EBF3: variants seen among roughly 807,000 people sequenced by gnomAD.
The protein encoded by EBF3 is transcription factor COE3.
EBF3 carries 18 observed loss-of-function variants against 77.1 expected under a neutral mutation model. The observed-to-expected ratio is 0.23, with a 90% CI of 0.16 to 0.35. The LOEUF (loss-of-function observed/expected upper bound fraction) is 0.35, where lower values mean the gene tolerates loss of function less well. EBF3 is among the 10% of genes least tolerant of loss of function. The pLI, the probability that EBF3 is intolerant of heterozygous loss-of-function variation, is 1.00. For synonymous variants in EBF3, 350 were observed against 343.5 expected (o/e 1.02, Z -0.21); for missense variants, 558 against 860.0 (o/e 0.65, Z 4.39).
intron 6 of EBF3, among the ~76,000 whole-genome samples, chr10:129,888,878 A>G (rs755197032): frequency 1.5e-4 from 23 of 152,240 alleles, no homozygotes; most frequent in Non-Finnish European, 2.8e-4. Flanking sequence ...TTCTGCAATT[A>G]CAAAAAAAAA....
chr10:129,836,036 T>C lies in EBF3; in HGVS notation c.*1907A>G, dbSNP rs1023093957. Reference sequence around the variant, plus strand: ...TGGGTCCCCCTGAAACCTCTGTGAATCGGAGGTGGGCCCAGGAGGGTGCAG... The same window carrying C: ...TGGGTCCCCCTGAAACCTCTGTGAACCGGAGGTGGGCCCAGGAGGGTGCAG... On this transcript the variant is annotated 3_prime_UTR_variant, in exon 17 of 17. Transcript: ENST00000440978. 4 of 152,582 alleles carry C rather than the reference T, an allele frequency of 2.6e-5. No individual in the cohort carries two copies. Among genetic ancestry groups the C allele is most frequent in the African/African-American group, 9.7e-5 (4 of 41,414 alleles). The allele number at this position is 152,582 out of a possible 1,614,324, so 9.5% of individuals were successfully genotyped here.
Position 129,848,368 on chromosome 10 carries a change from G to C in EBF3, c.1128+24C>G. ...CCAGTGGCGGCCCCACCATGAGCGG[G>C]GTGCCACTTGCTCTTTTACTAACCT... On this transcript the variant is annotated intron_variant, in intron 11 of 16. Coordinates refer to ENST00000440978, the MANE Select transcript of EBF3 (RefSeq NM_001375380.1). The surrounding 1 kb of genome is among the most constrained non-coding windows in gnomAD (Gnocchi z 4.4). The C allele has an allele frequency of 6.2e-7, 1 of 1,612,330 alleles. No individual in the cohort carries two copies. The highest frequency in any genetic ancestry group is 8.5e-7 in the Non-Finnish European group (1 of 1,178,392).
rs1031881686 is a variant in EBF3 at position 129,920,330 on chromosome 10, C to G, written c.554+36928G>C. On this transcript the variant is annotated intron_variant, in intron 6 of 16. Coordinates refer to ENST00000440978, the MANE Select transcript of EBF3 (RefSeq NM_001375380.1). ...GCTGTGCGGTCTAGGGCCAGTATCT[C>G]CAGGAGGGCCACAAACCCGCCCCGC... Among the ~76,000 whole-genome samples the G allele has an allele frequency of 2.2e-3, 336 of 150,248 alleles. 4 individuals carry two copies. The highest frequency in any genetic ancestry group is 1.6e-3 in the Non-Finnish European group (107 of 67,440).
Position 129,928,178 on chromosome 10 carries a change from A to G in EBF3, c.554+29080T>C, listed in dbSNP as rs1025361269. 2.0e-5 allele frequency among the ~76,000 whole-genome samples: 3 copies of G among 152,368 alleles called. No individual in the cohort carries two copies. The East Asian group carries it at 5.8e-4, about 29-fold the overall frequency. ...GCAGAAACCTGACAGACGTGTGAACAGACGTGTGAAGCATTGTAAGCTTTA... is the reference window on the plus strand; with the variant it reads ...GCAGAAACCTGACAGACGTGTGAACGGACGTGTGAAGCATTGTAAGCTTTA... On this transcript the variant is annotated intron_variant, in intron 6 of 16. Transcript: ENST00000440978.
chr10:129,937,250 C>T (rs1857427423), intron 6 of EBF3, among the ~76,000 whole-genome samples: 1 of 151,900 alleles, frequency 6.6e-6, no homozygotes, highest in South Asian at 2.1e-4. Context: ...TTCCGGGGCG[C>T]ACAGAGACCC....
chr10:129,920,767 G>A (rs1490859997), intron 6 of EBF3, among the ~76,000 whole-genome samples: 1 of 152,222 alleles, frequency 6.6e-6, no homozygotes, highest in African/African-American at 2.4e-5. Context: ...AGATGAGAAG[G>A]GCCCAGTAAC....
At chr10:129,873,730 T>C (rs558107482) in intron 7 of EBF3, 134 bp from the exon 8 acceptor site, 4 of 988,082 alleles carry the variant, frequency 4.0e-6, no homozygotes, top group Non-Finnish European at 4.0e-6. Context: ...TGTTGATCGA[T>C]GTGCGTTCAC....
At chr10:129,959,129 C>A (rs529941042) in intron 4 of EBF3, 122 bp from the exon 5 acceptor site, 1 of 1,220,458 alleles carries the variant, frequency 8.2e-7, no homozygotes, top group East Asian at 2.7e-5. Flanking sequence ...AGGCGATGCG[C>A]CCCCCTCCCT....
At chr10:129,883,733 G>A (rs532898891) in intron 6 of EBF3, among the ~76,000 whole-genome samples, 72 of 127,078 alleles carry the variant, frequency 5.7e-4, no homozygotes, top group African/African-American at 1.6e-3. Context: ...AAAAGTCACC[G>A]TTCACTGGTG....
intron 6 of EBF3, among the ~76,000 whole-genome samples, chr10:129,932,724 C>T (rs1162249605): frequency 2.0e-5 from 3 of 152,136 alleles, no homozygotes; most frequent in Non-Finnish European, 2.9e-5. Context: ...GGGAAACCAT[C>T]ACTTGTTCAA....
intron 4 of EBF3, among the ~76,000 whole-genome samples, chr10:129,959,938 C>T (rs1859364584): frequency 2.6e-5 from 4 of 151,738 alleles, no homozygotes; most frequent in African/African-American, 9.7e-5. Context: ...AAAAGGCAGT[C>T]TCTGCGCGCA....
At chr10:129,942,299 G>A (rs1035051385) in intron 6 of EBF3, among the ~76,000 whole-genome samples, 2 of 152,100 alleles carry the variant, frequency 1.3e-5, no homozygotes, top group Admixed American at 1.3e-4. Context: ...TTAGCCCTGT[G>A]GACCTGCTTC....
chr10:129,921,373 T>C (rs1210847218), intron 6 of EBF3, among the ~76,000 whole-genome samples: 1 of 152,080 alleles, frequency 6.6e-6, no homozygotes, highest in Non-Finnish European at 1.5e-5. Flanking sequence ...CAAAAAGGCC[T>C]CTGGATGTTG....
In EBF3 at chr10:129,935,585, A is replaced by T. The variant is rs1437616433; in HGVS notation, c.554+21673T>A. 6.6e-6 allele frequency among the ~76,000 whole-genome samples: 1 copy of T among 152,190 alleles called. No homozygotes were observed. Among genetic ancestry groups the T allele is most frequent in the Non-Finnish European group, 1.5e-5 (1 of 68,038 alleles). On this transcript the variant is annotated intron_variant, in intron 6 of 16. Coordinates refer to ENST00000440978, the MANE Select transcript of EBF3 (RefSeq NM_001375380.1). This position sits in a 1 kb window ranked among gnomAD's most constrained non-coding sequence, Gnocchi z 4.2. ...GCATGGGGTTAGATACATGCACCCC[A>T]CAAGGCTGGCGGGCAGCAGGCGGTG...
chr10:129,911,453 G>A lies in EBF3; in HGVS notation c.555-33604C>T, dbSNP rs537044880. On this transcript the variant is annotated intron_variant, in intron 6 of 16. Transcript: ENST00000440978. The stretch of plus-strand genomic sequence containing the variant: ...CACCTCCCTCTGCTCTGCCCCATTC[G>A]CCCTCCCCTATCCATTCTCCAATCA... Among the ~76,000 whole-genome samples the A allele has an allele frequency of 3.9e-5, 6 of 152,118 alleles. No individual in the cohort carries two copies. The East Asian group carries it at 5.8e-4, about 15-fold the overall frequency.
chr10:129,904,166 C>G (rs1240331020), intron 6 of EBF3, among the ~76,000 whole-genome samples: 1 of 152,146 alleles, frequency 6.6e-6, no homozygotes, highest in East Asian at 1.9e-4. Flanking sequence ...GGTGTGCAGA[C>G]CCTTCATCTT....
intron 6 of EBF3, among the ~76,000 whole-genome samples, chr10:129,899,426 G>A (rs925561934): frequency 2.8e-4 from 42 of 152,240 alleles, no homozygotes; most frequent in East Asian, 9.6e-4. Flanking sequence ...GGACTGTGCC[G>A]GAGGACGGTG....
At chr10:129,929,363 A>T (rs1415399630) in intron 6 of EBF3, among the ~76,000 whole-genome samples, 1 of 151,614 alleles carries the variant, frequency 6.6e-6, no homozygotes, top group Non-Finnish European at 1.5e-5. Context: ...TGCCACCCAC[A>T]CCCAGGTAAT....
At chr10:129,852,640 G>A (rs566819561) in intron 10 of EBF3, among the ~76,000 whole-genome samples, 3 of 152,156 alleles carry the variant, frequency 2.0e-5, no homozygotes, top group Non-Finnish European at 2.9e-5. Context: ...TAGCAAGTCC[G>A]TTAACTTATA....
Sources: allele counts gnomAD v4.1 joint callset (sites outside exome capture counted in the v4.1 genomes callset), GRCh38; gene constraint gnomAD v4.1.1; non-coding constraint Gnocchi (gnomAD v3.1); transcripts MANE v1.5; gene names NCBI Gene and HGNC (gene_info 2026-07-23, HGNC 2026-07-21).